Variants in FRMD3 observed in about 807,000 individuals in gnomAD.
The protein encoded by FRMD3 is FERM domain containing 3.
FRMD3 carries 33 observed loss-of-function variants against 70.2 expected under a neutral mutation model. That is an observed-to-expected ratio of 0.47 (90% CI 0.36 to 0.63). The LOEUF is 0.63. Among genes scored for constraint, FRMD3 ranks in the 20% least tolerant of loss-of-function variants. The pLI, the probability that FRMD3 is intolerant of heterozygous loss-of-function variation, is 0.00. For synonymous variants in FRMD3, 279 were observed against 255.9 expected, an observed-to-expected ratio of 1.09 and a Z score of -0.86; for missense variants, 632 against 711.4, an observed-to-expected ratio of 0.89 and a Z score of 1.27.
upstream of FRMD3, among the ~76,000 whole-genome samples, chr9:83,540,586 T>C (rs1333952400): frequency 2.0e-5 from 3 of 152,310 alleles, no homozygotes; most frequent in South Asian, 2.1e-4. Flanking sequence ...TTACCAAGTA[T>C]GGTCACCTGG....
intron 6 of FRMD3, among the ~76,000 whole-genome samples, chr9:83,326,261 A>G (rs760336695): frequency 6.6e-6 from 1 of 152,200 alleles, no homozygotes; most frequent in African/African-American, 2.4e-5. Context: ...CCTTGCCCTC[A>G]GACTACCATG....
chr9:83,361,456 G>T (rs902713416), intron 3 of FRMD3, among the ~76,000 whole-genome samples: 16 of 152,184 alleles, frequency 1.1e-4, no homozygotes, highest in Non-Finnish European at 7.3e-5. Flanking sequence ...TGGAGGCAGG[G>T]TTACAGCCAC....
intron 13 of FRMD3, among the ~76,000 whole-genome samples, chr9:83,278,899 G>T (rs1166446730): frequency 1.3e-5 from 2 of 152,182 alleles, no homozygotes; most frequent in Non-Finnish European, 2.9e-5. Context: ...AAAGGGCTGG[G>T]CTTGGGCTTC....
intron 1 of FRMD3, among the ~76,000 whole-genome samples, chr9:83,460,618 G>A (rs537071081): frequency 4.7e-5 from 7 of 149,722 alleles, no homozygotes; most frequent in African/African-American, 7.3e-5. Flanking sequence ...TAAGGGATCC[G>A]TTTTCATTTT....
chr9:83,372,504 A>G (rs866458385), intron 3 of FRMD3, among the ~76,000 whole-genome samples: 1 of 152,166 alleles, frequency 6.6e-6, no homozygotes, highest in African/African-American at 2.4e-5. Context: ...CATTGGTAAA[A>G]TTTTAGTTTC....
intron 1 of FRMD3, among the ~76,000 whole-genome samples, chr9:83,407,730 G>A (rs984609618): frequency 4.6e-5 from 7 of 152,108 alleles, no homozygotes; most frequent in Non-Finnish European, 1.0e-4. Flanking sequence ...GATCTTGTCT[G>A]GGTTCCTCTA....
chr9:83,452,636 C>T (rs1462613571), intron 1 of FRMD3, among the ~76,000 whole-genome samples: 1 of 151,702 alleles, frequency 6.6e-6, no homozygotes, highest in African/African-American at 2.4e-5. Flanking sequence ...CGCCCACCAC[C>T]GCACCCAGCT....
chr9:83,425,907 CAA>C (rs71498055), intron 1 of FRMD3, among the ~76,000 whole-genome samples: 2,156 of 86,494 alleles, frequency 0.025, 47 homozygotes, highest in African/African-American at 0.092. Flanking sequence ...AACTCCGTCT[CAA>C]AAAAAAAAAA....
At chr9:83,582,562 A>T in the FRMD3 span, among the ~76,000 whole-genome samples, 48 of 152,352 alleles carry the variant, frequency 3.2e-4, no homozygotes, top group African/African-American at 1.1e-3. Context: ...ACTTGCACAT[A>T]CAACAGTGTG....
At chr9:83,466,838 T>C (rs941298858) in intron 1 of FRMD3, among the ~76,000 whole-genome samples, 1 of 152,194 alleles carries the variant, frequency 6.6e-6, no homozygotes, top group African/African-American at 2.4e-5. Context: ...AAGGTCCAGT[T>C]GCTCGGTAAG....
intron 3 of FRMD3, among the ~76,000 whole-genome samples, chr9:83,372,690 G>C (rs574087248): frequency 7.2e-5 from 11 of 152,182 alleles, no homozygotes; most frequent in South Asian, 6.2e-4. Flanking sequence ...GGCAAGATGG[G>C]GGGGAGGGAG....
At chr9:83,578,311 A>G in the FRMD3 span, among the ~76,000 whole-genome samples, 1 of 151,922 alleles carries the variant, frequency 6.6e-6, no homozygotes, top group Non-Finnish European at 1.5e-5. Context: ...TGGAGGGAAC[A>G]CTTCGAAATT....
intron 1 of FRMD3, among the ~76,000 whole-genome samples, chr9:83,442,231 C>T (rs1262037858): frequency 6.6e-6 from 1 of 150,390 alleles, no homozygotes; most frequent in Non-Finnish European, 1.5e-5. Flanking sequence ...ACAAAAACCA[C>T]ATAAAGGGTG....
At chr9:83,472,970 C>A (rs1249220447) in intron 1 of FRMD3, among the ~76,000 whole-genome samples, 1 of 152,126 alleles carries the variant, frequency 6.6e-6, no homozygotes, top group African/African-American at 2.4e-5. Flanking sequence ...CTACAGCCAC[C>A]AACCCTGCCA....
intron 1 of FRMD3, among the ~76,000 whole-genome samples, chr9:83,490,750 GT>G (rs1484983430): frequency 6.9e-6 from 1 of 145,536 alleles, no homozygotes; most frequent in East Asian, 2.1e-4. Flanking sequence ...AAAAAATCCA[GT>G]TTTTTACTCT....
At chr9:83,317,122 T>C (rs1392313467) in intron 6 of FRMD3, among the ~76,000 whole-genome samples, 1 of 150,954 alleles carries the variant, frequency 6.6e-6, no homozygotes, top group Non-Finnish European at 1.5e-5. Context: ...GCAAGAAAGA[T>C]CCTGTCTTAA....
chr9:83,344,254 C>G (rs1026683521), intron 4 of FRMD3, among the ~76,000 whole-genome samples: 3 of 152,204 alleles, frequency 2.0e-5, no homozygotes, highest in Non-Finnish European at 4.4e-5. Context: ...TTCCGTGCTT[C>G]CTTTAGAGTT....
At chr9:83,364,446 C>T (rs1824722721) in intron 3 of FRMD3, among the ~76,000 whole-genome samples, 1 of 152,042 alleles carries the variant, frequency 6.6e-6, no homozygotes, top group Non-Finnish European at 1.5e-5. Flanking sequence ...GTCCCAGCTA[C>T]TCAGGAGGCT....
chr9:83,343,093 A>G, intron 5 of FRMD3, 97 bp downstream of exon 5: 2 of 848,792 alleles, frequency 2.4e-6, no homozygotes, highest in Non-Finnish European at 4.1e-6. Flanking sequence ...AGCCACAGAC[A>G]CAGGCAGGAT....
Sources: gnomAD v4.1 joint callset for allele counts (sites outside exome capture counted in the v4.1 genomes callset) on GRCh38, gnomAD v4.1.1 for gene constraint, MANE v1.5 for transcripts, NCBI Gene and HGNC (gene_info 2026-07-23, HGNC 2026-07-21) for gene names.